The following MIPEP variants were observed in gnomAD, a reference collection of about 807,000 sequenced individuals.
MIPEP encodes mitochondrial intermediate peptidase.
In MIPEP, 79 loss-of-function variants were observed where a neutral mutation model predicts 90.3. The ratio of observed to expected loss-of-function variants is 0.87; its 90% CI spans 0.73 to 1.05. The LOEUF (loss-of-function observed/expected upper bound fraction) is 1.05. Ranked by LOEUF, MIPEP falls within the 50% of genes least tolerant of loss-of-function variation. The pLI is 0.00. For synonymous variants in MIPEP, 334 were observed against 315.8 expected (o/e 1.06, Z -0.61); for missense variants, 940 against 905.6 (o/e 1.04, Z -0.49).
intron 10 of MIPEP, among the ~76,000 whole-genome samples, chr13:23,857,346 A>AT (rs1475153558): frequency 1.3e-5 from 2 of 152,222 alleles, no homozygotes; most frequent in Non-Finnish European, 2.9e-5. Flanking sequence ...TTTGAGATAC[A>AT]TTTTTAAAAA....
chr13:23,811,592 T>C (rs1207243682), intron 14 of MIPEP, among the ~76,000 whole-genome samples: 1 of 152,192 alleles, frequency 6.6e-6, no homozygotes, highest in Non-Finnish European at 1.5e-5. Flanking sequence ...TTTCTATAAG[T>C]TGCTCACTAC....
At chr13:23,823,676 A>G (rs1403544965) in intron 14 of MIPEP, among the ~76,000 whole-genome samples, 1 of 152,196 alleles carries the variant, frequency 6.6e-6, no homozygotes, top group Non-Finnish European at 1.5e-5. Flanking sequence ...AAAAAAATTT[A>G]AAATTAGCTG....
intron 10 of MIPEP, among the ~76,000 whole-genome samples, chr13:23,848,736 G>C (rs561968643): frequency 3.8e-4 from 58 of 152,252 alleles, no homozygotes; most frequent in Non-Finnish European, 1.9e-4. Context: ...CAAGCAAATG[G>C]GGCAGACAAG....
chr13:23,737,065 C>G (rs1005813176), intron 18 of MIPEP, among the ~76,000 whole-genome samples: 1 of 152,228 alleles, frequency 6.6e-6, no homozygotes, highest in African/African-American at 2.4e-5. Context: ...TGTAGAAAAT[C>G]TTGAGAGAAA....
intron 9 of MIPEP, among the ~76,000 whole-genome samples, chr13:23,860,902 A>G (rs536154007): frequency 6.6e-6 from 1 of 152,266 alleles, no homozygotes; most frequent in East Asian, 1.9e-4. Flanking sequence ...AAGAGTTCAC[A>G]GGGAGGGAGA....
At chr13:23,781,521 C>T (rs1441160443) in intron 16 of MIPEP, among the ~76,000 whole-genome samples, 7 of 152,278 alleles carry the variant, frequency 4.6e-5, no homozygotes, top group Non-Finnish European at 1.0e-4. Context: ...TAAAGACCAT[C>T]GATGCTAGGA....
intron 18 of MIPEP, among the ~76,000 whole-genome samples, chr13:23,750,955 T>C (rs1397953533): frequency 1.3e-5 from 2 of 152,190 alleles, no homozygotes; most frequent in African/African-American, 2.4e-5. Flanking sequence ...CCTTCCTTTC[T>C]GGCACTATAA....
chr13:23,831,302 T>C (rs931860556), intron 14 of MIPEP, among the ~76,000 whole-genome samples: 4 of 143,440 alleles, frequency 2.8e-5, no homozygotes, highest in African/African-American at 1.0e-4. Flanking sequence ...AATCAGGATC[T>C]GGGGACAGTG....
chr13:23,787,726 T>C (rs1053104097), intron 16 of MIPEP, among the ~76,000 whole-genome samples: 1 of 152,214 alleles, frequency 6.6e-6, no homozygotes, highest in Non-Finnish European at 1.5e-5. Context: ...ATATCTCTTT[T>C]AGGATGCAGC....
chr13:23,887,291 A>C (rs181627251), intron 1 of MIPEP, among the ~76,000 whole-genome samples: 1 of 152,206 alleles, frequency 6.6e-6, no homozygotes, highest in African/African-American at 2.4e-5. Flanking sequence ...CACACTCAGG[A>C]AGGCAGGGGG....
intron 16 of MIPEP, among the ~76,000 whole-genome samples, chr13:23,775,194 C>G (rs1377914086): frequency 6.6e-6 from 1 of 151,344 alleles, no homozygotes; most frequent in Non-Finnish European, 1.5e-5. Flanking sequence ...TCATGCATGT[C>G]ATCTGCAGAG....
At chr13:23,739,062 T>C (rs1287864269) in intron 18 of MIPEP, among the ~76,000 whole-genome samples, 3 of 152,252 alleles carry the variant, frequency 2.0e-5, no homozygotes, top group Admixed American at 6.5e-5. Flanking sequence ...ATGTAGACGA[T>C]TGTAATTTTC....
At position 23,753,238 on chromosome 13, in the gene MIPEP, A is replaced by AT. The variant is rs1297260068; in HGVS notation, c.2044+3306_2044+3307insA. The stretch of plus-strand genomic sequence containing the variant: ...GACTCCATCTCAAAAAAAAAAAAAA[A>AT]AATAATAATAATAATAAGACAAAAA... On this transcript the variant is annotated intron_variant, in intron 18 of 18. Transcript: ENST00000382172. 4.1e-3 allele frequency among the ~76,000 whole-genome samples: 580 copies of AT among 143,196 alleles called. 7 individuals are homozygous for AT. Among genetic ancestry groups the AT allele is most frequent in the African/African-American group, 0.013 (499 of 37,706 alleles). The allele number at this position is 143,196 out of a possible 152,430, so 93.9% of individuals were successfully genotyped here. A position where few individuals can be genotyped will look rare whatever the true frequency, so the allele number is the denominator to read the frequency against.
chr13:23,819,664 T>C (rs1166500871), intron 14 of MIPEP, among the ~76,000 whole-genome samples: 2 of 152,050 alleles, frequency 1.3e-5, no homozygotes, highest in Admixed American at 6.5e-5. Flanking sequence ...ATGTGTTATA[T>C]ACATTTGGTC....
intron 16 of MIPEP, among the ~76,000 whole-genome samples, chr13:23,778,388 A>G (rs959929191): frequency 6.6e-6 from 1 of 152,210 alleles, no homozygotes; most frequent in Non-Finnish European, 1.5e-5. Context: ...AAACTATTCT[A>G]GCACATTAAT....
In MIPEP at chr13:23,889,157, C is replaced by T. The variant is rs879451920; in HGVS notation, c.164G>A (p.Arg55His). Residue 55 changes from arginine to histidine, a missense_variant, in exon 1 of 19, where the codon CGC becomes CAC. Coordinates refer to ENST00000382172, the MANE Select transcript of MIPEP (RefSeq NM_005932.4). ...CCGGCGCTCGCCGAACAGGTCCAAG[C>T]GGCTGCCCTGGGGCTTGACATTGAA... ...AAFNVKPQGS[R>H]LDLFGERRGL... The T allele has an allele frequency of 1.4e-6, 2 of 1,462,388 alleles. No homozygotes were observed. The highest frequency in any genetic ancestry group is 9.0e-7 in the Non-Finnish European group (1 of 1,108,536). 90.6% of individuals were successfully genotyped at this position (1,462,388 alleles called of 1,614,324 possible).
At chr13:23,733,744 C>T (rs1178690703) in intron 18 of MIPEP, among the ~76,000 whole-genome samples, 1 of 152,174 alleles carries the variant, frequency 6.6e-6, no homozygotes, top group Non-Finnish European at 1.5e-5. Flanking sequence ...GTTACAGTTT[C>T]AACTGTAGAC....
At chr13:23,733,173 A>G (rs963530637) in intron 18 of MIPEP, among the ~76,000 whole-genome samples, 1 of 152,266 alleles carries the variant, frequency 6.6e-6, no homozygotes, top group African/African-American at 2.4e-5. Flanking sequence ...AGATGCTAAT[A>G]GCATACAAAG....
At chr13:23,850,605 A>G (rs894947769) in intron 10 of MIPEP, among the ~76,000 whole-genome samples, 2 of 152,232 alleles carry the variant, frequency 1.3e-5, no homozygotes, top group Non-Finnish European at 2.9e-5. Flanking sequence ...CAATTCCATC[A>G]TCATCCTAGG....
Sources: gnomAD v4.1 joint callset for allele counts (sites outside exome capture counted in the v4.1 genomes callset) on GRCh38, gnomAD v4.1.1 for gene constraint, MANE v1.5 for transcripts, NCBI Gene and HGNC (gene_info 2026-07-23, HGNC 2026-07-21) for gene names.